Variants in FBXW8 observed in about 807,000 individuals in gnomAD.
FBXW8 encodes the protein F-box and WD repeat domain containing 8.
In FBXW8, 57 loss-of-function variants were observed where a neutral mutation model predicts 65.3. The observed-to-expected ratio is 0.87, with a 90% confidence interval of 0.71 to 1.09. FBXW8 has a LOEUF of 1.09. FBXW8 is among the 50% of genes least tolerant of loss of function. FBXW8 has a pLI of 0.00. For missense variants in FBXW8, 777 were observed against 814.8 expected (o/e 0.95, Z 0.57); for synonymous variants, 308 against 330.2 (o/e 0.93, Z 0.73).
At chr12:116,996,686 C>A (rs943708069) in intron 7 of FBXW8, among the ~76,000 whole-genome samples, 5 of 152,074 alleles carry the variant, frequency 3.3e-5, no homozygotes, top group African/African-American at 1.2e-4. Context: ...TTATCTGCTT[C>A]CTGGAGAAGT....
intron 5 of FBXW8, among the ~76,000 whole-genome samples, chr12:116,975,792 T>C (rs1007401005): frequency 2.6e-5 from 4 of 152,140 alleles, no homozygotes. Flanking sequence ...GAGCAGTACT[T>C]TTCAAAAGTG....
At chr12:116,977,035 T>G (rs1274541618) in intron 5 of FBXW8, among the ~76,000 whole-genome samples, 1 of 152,162 alleles carries the variant, frequency 6.6e-6, no homozygotes, top group Admixed American at 6.5e-5. Flanking sequence ...CATCGGGGCC[T>G]TGTGGCAAAA....
At chr12:117,018,521 G>A (rs984265389) in intron 8 of FBXW8, among the ~76,000 whole-genome samples, 4 of 152,228 alleles carry the variant, frequency 2.6e-5, no homozygotes, top group African/African-American at 9.6e-5. Flanking sequence ...TCAGATGTCC[G>A]AGGCAGATAC....
chr12:116,973,220 G>C (rs1191082436), intron 5 of FBXW8, among the ~76,000 whole-genome samples: 2 of 152,140 alleles, frequency 1.3e-5, no homozygotes, highest in East Asian at 3.8e-4. Context: ...CCTTATAGTA[G>C]AATGTCAACT....
At chr12:117,025,114 G>A (rs1565947959) in intron 9 of FBXW8, among the ~76,000 whole-genome samples, 4 of 152,142 alleles carry the variant, frequency 2.6e-5, no homozygotes, top group Admixed American at 1.3e-4. Flanking sequence ...TGCAGGCCTC[G>A]AACAGGAGAC....
At chr12:117,012,700 TGAG>T (rs1163917974) in intron 8 of FBXW8, among the ~76,000 whole-genome samples, 1 of 152,150 alleles carries the variant, frequency 6.6e-6, no homozygotes, top group African/African-American at 2.4e-5. Context: ...TCAAATATTA[TGAG>T]GAGAACTATG....
At chr12:116,993,378 A>G (rs1389042781) in intron 7 of FBXW8, among the ~76,000 whole-genome samples, 1 of 152,164 alleles carries the variant, frequency 6.6e-6, no homozygotes, top group Non-Finnish European at 1.5e-5. Context: ...CTGGGATTAC[A>G]GGTGTGGGCC....
intron 7 of FBXW8, among the ~76,000 whole-genome samples, chr12:117,004,600 TGACTTCA>T (rs1468692644): frequency 6.6e-6 from 1 of 152,220 alleles, no homozygotes; most frequent in Non-Finnish European, 1.5e-5. Flanking sequence ...GGCAGACATG[TGACTTCA>T]GACTGTTTTC....
chr12:116,953,157 A>G (rs538563067), intron 4 of FBXW8, among the ~76,000 whole-genome samples: 146 of 152,308 alleles, frequency 9.6e-4, no homozygotes, highest in Non-Finnish European at 1.9e-3. Flanking sequence ...CCACCTATAT[A>G]TGATGTTATA....
At chr12:116,964,967 A>T (rs903700127) in intron 5 of FBXW8, 113 bp downstream of exon 5, 18 of 994,370 alleles carry the variant, frequency 1.8e-5, no homozygotes, top group Non-Finnish European at 2.6e-5. Flanking sequence ...GTGGGCACAC[A>T]CACATGTTCA....
intron 5 of FBXW8, among the ~76,000 whole-genome samples, chr12:116,966,767 T>G (rs1884352478): frequency 6.6e-6 from 1 of 151,722 alleles, no homozygotes; most frequent in South Asian, 2.1e-4. Context: ...CAGGCTGGAG[T>G]GCAGTGGCAC....
chr12:116,942,990 G>A (rs1425875850), intron 2 of FBXW8, among the ~76,000 whole-genome samples: 1 of 151,750 alleles, frequency 6.6e-6, no homozygotes, highest in Non-Finnish European at 1.5e-5. Context: ...TGTTAACCAG[G>A]ATGGTCTGAA....
chr12:116,955,993 G>A (rs1359406196), intron 4 of FBXW8, among the ~76,000 whole-genome samples: 1 of 151,992 alleles, frequency 6.6e-6, no homozygotes, highest in East Asian at 1.9e-4. Flanking sequence ...GGAGTATGAT[G>A]GTGTTTTGCA....
intron 4 of FBXW8, among the ~76,000 whole-genome samples, chr12:116,960,671 G>C (rs886156041): frequency 2.0e-5 from 3 of 152,082 alleles, no homozygotes; most frequent in Non-Finnish European, 4.4e-5. Context: ...AAATAAAGAG[G>C]TACCCCTCAA....
intron 7 of FBXW8, among the ~76,000 whole-genome samples, chr12:116,991,138 A>G (rs1953230454): frequency 6.6e-6 from 1 of 151,526 alleles, no homozygotes; most frequent in Non-Finnish European, 1.5e-5. Flanking sequence ...TTTTGTGAGC[A>G]TAGCACCAAC....
intron 1 of FBXW8, among the ~76,000 whole-genome samples, chr12:116,917,106 G>T (rs1213225944): frequency 1.3e-5 from 2 of 152,218 alleles, no homozygotes; most frequent in Non-Finnish European, 2.9e-5. Flanking sequence ...CAGAGTCAGT[G>T]TGGATTTACC....
intron 2 of FBXW8, among the ~76,000 whole-genome samples, chr12:116,930,042 A>C (rs1006014948): frequency 5.3e-5 from 8 of 152,122 alleles, no homozygotes. Flanking sequence ...TAAAGGCTGA[A>C]TAGTATTCCA....
Position 117,007,488 on chromosome 12 carries a change from A to G in FBXW8, c.1240-2835A>G, listed in dbSNP as rs141313594. On this transcript the variant is annotated intron_variant, in intron 7 of 10. Transcript: ENST00000652555. Reference sequence around the variant, plus strand: ...ACAGAAACATCTATTGCCTGCAAAAATTTGCTCTGTAATTACTGTTCAAGT... The same window carrying G: ...ACAGAAACATCTATTGCCTGCAAAAGTTTGCTCTGTAATTACTGTTCAAGT... Among the ~76,000 whole-genome samples the G allele has an allele frequency of 9.4e-3, 1,432 of 152,312 alleles. 23 individuals are homozygous for G. The highest frequency in any genetic ancestry group is 0.033 in the African/African-American group (1,355 of 41,560).
Position 116,937,104 on chromosome 12 carries a change from A to G in FBXW8, c.424-8260A>G, listed in dbSNP as rs12297657. Among the ~76,000 whole-genome samples the G allele has an allele frequency of 3.2e-3, 494 of 152,258 alleles. 1 individual carries two copies. The highest frequency in any genetic ancestry group is 0.011 in the African/African-American group (457 of 41,564). ...TTGTGGATGGGCTGGATGTGGGGAC[A>G]GAAGGAAGAGAGTCAACAAGGGCTC... On this transcript the variant is annotated intron_variant, in intron 2 of 10. Transcript: ENST00000652555.
Sources: gnomAD v4.1 joint callset for allele counts (sites outside exome capture counted in the v4.1 genomes callset) on GRCh38, gnomAD v4.1.1 for gene constraint, MANE v1.5 for transcripts, NCBI Gene and HGNC (gene_info 2026-07-23, HGNC 2026-07-21) for gene names.